Variants in SLC35E2B observed in about 807,000 individuals in gnomAD.
The protein encoded by SLC35E2B is solute carrier family 35, member E2B.
A neutral mutation model predicts 32.4 loss-of-function variants in SLC35E2B; 18 were observed. The observed-to-expected ratio is 0.56, with a 90% CI of 0.38 to 0.82. The LOEUF (loss-of-function observed/expected upper bound fraction) is 0.82. Ranked by LOEUF, SLC35E2B falls within the 40% of genes least tolerant of loss-of-function variation. The probability of loss-of-function intolerance (pLI) is 0.00; values close to 1 mark genes in which losing one functional copy is unlikely to be tolerated. For synonymous variants in SLC35E2B, 132 were observed against 209.1 expected, an observed-to-expected ratio of 0.63 and a Z score of 3.18; for missense variants, 263 against 469.5, an observed-to-expected ratio of 0.56 and a Z score of 4.06.
Position 1,665,398 on chromosome 1 carries a change from C to T in SLC35E2B, c.*384G>A, listed in dbSNP as rs978882370. 20 of 448,482 alleles carry T rather than the reference C, an allele frequency of 4.5e-5. No individual in the cohort carries two copies. Among genetic ancestry groups the T allele is most frequent in the East Asian group, 3.0e-4 (9 of 29,806 alleles). 27.8% of individuals were successfully genotyped at this position (448,482 alleles called of 1,614,324 possible). A position where few individuals can be genotyped will look rare whatever the true frequency, so the allele number is the denominator to read the frequency against. On this transcript the variant is annotated 3_prime_UTR_variant, in exon 10 of 10. Transcript: ENST00000617444. ...GCCTTCGATGGCTGGTGTGGGAAGC[C>T]GAGGGCTCTCTTGGCTGTGGCAGGG...
At chr1:1,666,618 G>C (rs1358315329) in intron 9 of SLC35E2B, among the ~76,000 whole-genome samples, 1 of 152,218 alleles carries the variant, frequency 6.6e-6, no homozygotes, top group Admixed American at 6.5e-5. Flanking sequence ...ACCGGGCGCA[G>C]CGGCTTAGCC....
At chr1:1,687,051 G>A (rs373296112) in intron 2 of SLC35E2B, among the ~76,000 whole-genome samples, 3 of 152,002 alleles carry the variant, frequency 2.0e-5, no homozygotes, top group Admixed American at 1.3e-4. Context: ...GTGAGACTCC[G>A]TCTCAAAAAC....
At chr1:1,671,271 CGT>C in intron 6 of SLC35E2B, 1 of 368,240 alleles carries the variant, frequency 2.7e-6, no homozygotes. Context: ...GTCAGCTAAC[CGT>C]GTCTCCATGG....
At chr1:1,684,544 C>G (rs1484311603) in intron 2 of SLC35E2B, among the ~76,000 whole-genome samples, 2 of 152,276 alleles carry the variant, frequency 1.3e-5, no homozygotes, top group East Asian at 3.9e-4. Context: ...GTCATCCCAG[C>G]ACTGTGGGAG....
intron 8 of SLC35E2B, among the ~76,000 whole-genome samples, chr1:1,669,363 TAAAAAA>T (rs920035323): frequency 7.2e-6 from 1 of 138,832 alleles, no homozygotes; most frequent in Non-Finnish European, 1.6e-5. Flanking sequence ...TTTATAAAAA[TAAAAAA>T]AAAAAGTTTT....
intron 5 of SLC35E2B, among the ~76,000 whole-genome samples, chr1:1,674,644 A>AC (rs1298174802): frequency 2.6e-5 from 4 of 150,978 alleles, no homozygotes; most frequent in Non-Finnish European, 5.9e-5. Flanking sequence ...AAAAAAAAAA[A>AC]AACAAAAAAA....
intron 5 of SLC35E2B, among the ~76,000 whole-genome samples, chr1:1,674,896 G>A (rs1264012461): frequency 2.6e-5 from 4 of 152,148 alleles, no homozygotes; most frequent in Non-Finnish European, 5.9e-5. Context: ...CTCCTCGCTG[G>A]TTTTCATGCA....
chr1:1,684,798 A>AAAAC (rs1557765385), intron 2 of SLC35E2B, among the ~76,000 whole-genome samples: 3 of 146,974 alleles, frequency 2.0e-5, no homozygotes. Flanking sequence ...TCAAAAAAAA[A>AAAAC]AAAAAAAAAA....
intron 2 of SLC35E2B, among the ~76,000 whole-genome samples, chr1:1,686,513 G>C (rs1379253544): frequency 6.6e-6 from 1 of 152,030 alleles, no homozygotes; most frequent in Non-Finnish European, 1.5e-5. Context: ...GCTGGGCACG[G>C]TGACTCACGC....
intron 2 of SLC35E2B, among the ~76,000 whole-genome samples, chr1:1,679,099 C>T (rs555722661): frequency 6.4e-4 from 98 of 152,288 alleles, no homozygotes; most frequent in African/African-American, 2.1e-3. Context: ...GACGCTGTCA[C>T]AGCACCCGCT....
intron 2 of SLC35E2B, among the ~76,000 whole-genome samples, chr1:1,679,472 G>C (rs1643881051): frequency 6.6e-6 from 1 of 152,048 alleles, no homozygotes; most frequent in African/African-American, 2.4e-5. Context: ...CTCACAATTA[G>C]TGGAAACAAA....
chr1:1,684,857 G>A (rs1411893573), intron 2 of SLC35E2B, among the ~76,000 whole-genome samples: 2 of 143,698 alleles, frequency 1.4e-5, no homozygotes, highest in African/African-American at 2.6e-5. Flanking sequence ...TGTAATCCCA[G>A]CACTTTGGGA....
chr1:1,665,785 G>A lies in SLC35E2B; in HGVS notation c.1215C>T (p.Pro405=), dbSNP rs570487607. The change falls in exon 10 of 10, where the codon CCC becomes CCT. Residue 405 remains proline, a synonymous_variant. Coordinates refer to ENST00000617444, the MANE Select transcript of SLC35E2B (RefSeq NM_001290264.2). ...AGCAGCTGGCAGCTTCCTGCTCTCA[G>A]GGATGCTGCCTGGGGTCCTGTGGAA... The part of the protein sequence containing the change: ...PLLPQDPRQH[P] 14 of 1,550,080 alleles carry A rather than the reference G, an allele frequency of 9.0e-6. No individual in the cohort carries two copies. In the Admixed American group the frequency reaches 1.8e-4, roughly 20 times the overall value.
intron 2 of SLC35E2B, among the ~76,000 whole-genome samples, chr1:1,687,319 G>A (rs1418705072): frequency 1.3e-5 from 2 of 152,200 alleles, no homozygotes; most frequent in East Asian, 1.9e-4. Flanking sequence ...GCTCACGCCT[G>A]TAATCCTAGC....
chr1:1,690,190 G>C (rs1409736896), intron 2 of SLC35E2B, among the ~76,000 whole-genome samples: 1 of 147,346 alleles, frequency 6.8e-6, no homozygotes, highest in Non-Finnish European at 1.5e-5. Flanking sequence ...TGAGGCAGGA[G>C]AATCACTTGA....
intron 2 of SLC35E2B, among the ~76,000 whole-genome samples, chr1:1,684,548 G>T (rs1201156194): frequency 1.3e-5 from 2 of 152,094 alleles, no homozygotes; most frequent in African/African-American, 4.8e-5. Flanking sequence ...TCCCAGCACT[G>T]TGGGAGGCCG....
chr1:1,664,339 G>A lies in SLC35E2B; in HGVS notation c.*1443C>T, dbSNP rs1481614157. On this transcript the variant is annotated 3_prime_UTR_variant, in exon 10 of 10. Coordinates refer to ENST00000617444, the MANE Select transcript of SLC35E2B (RefSeq NM_001290264.2). ...GGAGGGGCTATTTTTGTATTTCCCA[G>A]GTGAGAAGCCAAATGGAAAGCCAGT... 1 of 943,886 alleles carries A rather than the reference G, an allele frequency of 1.1e-6. No individual in the cohort carries two copies. Among genetic ancestry groups the A allele is most frequent in the Non-Finnish European group, 1.3e-6 (1 of 792,742 alleles). The allele number at this position is 943,886 out of a possible 1,614,324, so 58.5% of individuals were successfully genotyped here.
At chr1:1,682,850 G>T (rs1643912230) in intron 2 of SLC35E2B, among the ~76,000 whole-genome samples, 1 of 152,210 alleles carries the variant, frequency 6.6e-6, no homozygotes, top group African/African-American at 2.4e-5. Context: ...TTGGAGGCAG[G>T]TGGATCACTT....
At chr1:1,679,721 A>G (rs1643884030) in intron 2 of SLC35E2B, among the ~76,000 whole-genome samples, 1 of 150,760 alleles carries the variant, frequency 6.6e-6, no homozygotes, top group African/African-American at 2.5e-5. Flanking sequence ...AATCCCAGCT[A>G]CTCGGGAGGC....
Sources: allele counts gnomAD v4.1 joint callset (sites outside exome capture counted in the v4.1 genomes callset), GRCh38; gene constraint gnomAD v4.1.1; transcripts MANE v1.5; gene names NCBI Gene and HGNC (gene_info 2026-07-23, HGNC 2026-07-21).